Variants in CTTN observed in about 807,000 individuals in gnomAD.
CTTN encodes cortactin, also known as src substrate cortactin.
In CTTN, 28 loss-of-function variants were observed where a neutral mutation model predicts 84.0. The ratio of observed to expected loss-of-function variants is 0.33; its 90% CI spans 0.25 to 0.46. CTTN has a LOEUF of 0.46. Ranked by LOEUF, CTTN falls within the 20% of genes least tolerant of loss-of-function variation. The pLI is 1.00. For synonymous variants in CTTN, 301 were observed against 288.8 expected, an observed-to-expected ratio of 1.04 and a Z score of -0.43; for missense variants, 641 against 723.8, an observed-to-expected ratio of 0.89 and a Z score of 1.31.
intron 5 of CTTN, among the ~76,000 whole-genome samples, chr11:70,411,044 G>A (rs187245650): frequency 7.7e-4 from 118 of 152,290 alleles, no homozygotes; most frequent in Non-Finnish European, 1.4e-3. Context: ...ATGTTGCTGC[G>A]TCACTACCAC....
In CTTN at chr11:70,436,313, G is replaced by A; in HGVS notation, c.*1151G>A. ...CATCTCCTTCCTGAGGAGCCGGGAG[G>A]CTGGACCAGTCCCGTCGTGCAGTCA... is the stretch of plus-strand genomic sequence containing the variant. On this transcript the variant is annotated 3_prime_UTR_variant, in exon 18 of 18. Coordinates refer to ENST00000301843, the MANE Select transcript of CTTN (RefSeq NM_005231.4). 6.3e-7 allele frequency: 1 copy of A among 1,598,262 alleles called. No homozygotes were observed. Among genetic ancestry groups the A allele is most frequent in the Non-Finnish European group, 8.5e-7 (1 of 1,179,786 alleles).
At chr11:70,425,881 G>C (rs1270375475) in intron 13 of CTTN, among the ~76,000 whole-genome samples, 1 of 152,204 alleles carries the variant, frequency 6.6e-6, no homozygotes, top group Non-Finnish European at 1.5e-5. Flanking sequence ...ACACACGATG[G>C]AGTCAGATGT....
intron 15 of CTTN, among the ~76,000 whole-genome samples, chr11:70,432,000 G>T (rs1005471913): frequency 6.6e-6 from 1 of 152,108 alleles, no homozygotes; most frequent in East Asian, 1.9e-4. Context: ...ATCTCTGCTC[G>T]CCCAGGAGCC....
intron 13 of CTTN, among the ~76,000 whole-genome samples, chr11:70,428,349 A>G (rs1270982005): frequency 6.6e-6 from 1 of 151,870 alleles, no homozygotes; most frequent in Admixed American, 6.6e-5. Context: ...TATTTTTAGT[A>G]GAGACAGGGT....
chr11:70,416,658 C>G (rs1274649746), intron 7 of CTTN: 4 of 179,172 alleles, frequency 2.2e-5, no homozygotes, highest in East Asian at 3.0e-4. Context: ...GTCTCAAACT[C>G]CTGGCCTCAA....
chr11:70,415,747 G>A (rs541025245), intron 7 of CTTN, 30 bp downstream of exon 7: 27 of 1,611,782 alleles, frequency 1.7e-5, no homozygotes, highest in Middle Eastern at 1.7e-4. Flanking sequence ...GAAAGAGCCC[G>A]CTCCGGGGGC....
chr11:70,425,460 A>C, intron 13 of CTTN, 59 bp downstream of exon 13: 1 of 1,349,134 alleles, frequency 7.4e-7, no homozygotes, highest in Non-Finnish European at 1.1e-6. Context: ...ACTGAGGGGA[A>C]GGACAGTTGT....
intron 17 of CTTN, among the ~76,000 whole-genome samples, chr11:70,434,521 C>T (rs377767010): frequency 6.6e-6 from 1 of 152,290 alleles, no homozygotes; most frequent in Non-Finnish European, 1.5e-5. Context: ...CTTTTGCACA[C>T]GTGCATTTGC....
chr11:70,407,226 A>G, intron 2 of CTTN, 72 bp from the exon 3 acceptor site: 2 of 1,323,546 alleles, frequency 1.5e-6, no homozygotes, highest in Non-Finnish European at 2.1e-6. Flanking sequence ...AGTTTTGGCC[A>G]AAGGGCTCAT....
At chr11:70,415,614 A>T in intron 6 of CTTN, 49 bp from the exon 7 acceptor site, 1 of 1,469,258 alleles carries the variant, frequency 6.8e-7, no homozygotes. Context: ...TTTCAGGGAC[A>T]TTGGAAAGTA....
chr11:70,415,554 CAT>C (rs1340295042), intron 6 of CTTN, 107 bp from the exon 7 acceptor site: 37 of 1,016,212 alleles, frequency 3.6e-5, no homozygotes, highest in Non-Finnish European at 5.8e-5. Context: ...GTCACAGCAT[CAT>C]GTGTTTCATA....
In CTTN at chr11:70,436,501, C is replaced by G; in HGVS notation, c.*1339C>G. 1 of 1,064,384 alleles carries G rather than the reference C, an allele frequency of 9.4e-7. No individual in the cohort carries two copies. The highest frequency in any genetic ancestry group is 1.4e-6 in the Non-Finnish European group (1 of 719,058). 65.9% of individuals were successfully genotyped at this position (1,064,384 alleles called of 1,614,324 possible). A position where few individuals can be genotyped will look rare whatever the true frequency, so the allele number is the denominator to read the frequency against. Reference sequence around the variant, plus strand: ...GGGTTTTATATGCAACTTATTGTATCTGAATTCCTGTAGCACACCTCATAG... The same window carrying G: ...GGGTTTTATATGCAACTTATTGTATGTGAATTCCTGTAGCACACCTCATAG... On this transcript the variant is annotated 3_prime_UTR_variant, in exon 18 of 18. Coordinates refer to ENST00000301843, the MANE Select transcript of CTTN (RefSeq NM_005231.4).
At chr11:70,413,912 A>G (rs1213135703) in intron 5 of CTTN, among the ~76,000 whole-genome samples, 1 of 152,098 alleles carries the variant, frequency 6.6e-6, no homozygotes, top group Admixed American at 6.5e-5. Flanking sequence ...AGCGGGTCTC[A>G]CGGATCCTGC....
intron 1 of CTTN, among the ~76,000 whole-genome samples, chr11:70,401,849 A>G (rs921888456): frequency 6.6e-6 from 1 of 151,578 alleles, no homozygotes; most frequent in African/African-American, 2.4e-5. Flanking sequence ...AAAAAAAGAA[A>G]AAAAAGGCTG....
intron 17 of CTTN, 91 bp from the exon 18 acceptor site, chr11:70,434,935 T>A: frequency 1.4e-6 from 2 of 1,418,692 alleles, no homozygotes; most frequent in African/African-American, 1.4e-5. Flanking sequence ...CTGAGCAGGC[T>A]GCCTGGGAGC....
intron 17 of CTTN, among the ~76,000 whole-genome samples, chr11:70,434,564 G>A (rs191593355): frequency 5.3e-5 from 8 of 152,378 alleles, no homozygotes; most frequent in South Asian, 2.1e-4. Context: ...GTGGCATCTC[G>A]GCACCTGTGC....
intron 5 of CTTN, among the ~76,000 whole-genome samples, chr11:70,412,504 TA>T (rs1040572237): frequency 4.1e-5 from 6 of 148,088 alleles, no homozygotes; most frequent in Non-Finnish European, 7.5e-5. Flanking sequence ...CTCCAGAAAC[TA>T]AAAAAAAAAT....
chr11:70,425,747 G>A (rs974789759), intron 13 of CTTN, among the ~76,000 whole-genome samples: 8 of 152,188 alleles, frequency 5.3e-5, no homozygotes, highest in African/African-American at 1.9e-4. Flanking sequence ...TGAGCCGCTC[G>A]GTCGCAGCTG....
chr11:70,422,536 T>A (rs2058249920), intron 11 of CTTN: 1 of 1,294,392 alleles, frequency 7.7e-7, no homozygotes, highest in Non-Finnish European at 1.0e-6. Context: ...ATTGAGCCTC[T>A]TTTTAGCGCT....
Sources: gnomAD v4.1 joint callset for allele counts (sites outside exome capture counted in the v4.1 genomes callset) on GRCh38, gnomAD v4.1.1 for gene constraint, MANE v1.5 for transcripts, NCBI Gene and HGNC (gene_info 2026-07-23, HGNC 2026-07-21) for gene names.